TOX2: variants seen among roughly 807,000 people sequenced by gnomAD.
The protein encoded by TOX2 is granulosa cell HMG box 1.
In TOX2, 15 loss-of-function variants were observed where a neutral mutation model predicts 47.4. The observed-to-expected ratio is 0.32, with a 90% CI of 0.21 to 0.49. TOX2 has a LOEUF of 0.49. Ranked by LOEUF, TOX2 falls within the 20% of genes least tolerant of loss-of-function variation. The pLI is 0.99. For missense variants in TOX2, 622 were observed against 673.1 expected (o/e 0.92, Z 0.84); for synonymous variants, 290 against 296.6 (o/e 0.98, Z 0.23).
rs1287284571 is a variant in TOX2, at chr20:44,027,316, ACCCTC to A, written c.411+20531_411+20535del. On this transcript the variant is annotated intron_variant, in intron 3 of 8. Coordinates refer to ENST00000341197, the MANE Select transcript of TOX2 (RefSeq NM_001098797.2). The stretch of plus-strand genomic sequence containing the variant: ...CAGCGTTCAGGGGAGGGGGTGGGTC[ACCCTC>A]CCCTCCTTCTTATGTTTCCCCGTCA... Among the ~76,000 whole-genome samples, 6 of 151,772 alleles carry A rather than the reference ACCCTC, an allele frequency of 4.0e-5. No individual in the cohort carries two copies. The East Asian group carries it at 1.2e-3, about 30-fold the overall frequency.
At chr20:44,056,936 G>A (rs555304929) in intron 5 of TOX2, among the ~76,000 whole-genome samples, 1 of 152,176 alleles carries the variant, frequency 6.6e-6, no homozygotes, top group Admixed American at 6.5e-5. Context: ...AAGAGACAGG[G>A]TGTCACTCTG....
chr20:44,030,333 C>T (rs1306696233), intron 3 of TOX2, among the ~76,000 whole-genome samples: 1 of 152,202 alleles, frequency 6.6e-6, no homozygotes, highest in Non-Finnish European at 1.5e-5. Context: ...GTGGCTATAT[C>T]ACCTCTCAGC....
chr20:44,052,937 G>T (rs963820811), intron 4 of TOX2, among the ~76,000 whole-genome samples: 8 of 152,216 alleles, frequency 5.3e-5, no homozygotes, highest in African/African-American at 1.9e-4. Flanking sequence ...CACAACTGGG[G>T]CTTGGAGAAG....
At chr20:44,048,076 G>A (rs111746290) in intron 3 of TOX2, among the ~76,000 whole-genome samples, 7 of 145,648 alleles carry the variant, frequency 4.8e-5, no homozygotes, top group Admixed American at 2.7e-4. Flanking sequence ...AAAAGTAGCC[G>A]GGTGTGGTGA....
intron 3 of TOX2, among the ~76,000 whole-genome samples, chr20:44,043,759 T>TATAAGATGAAAG (rs1256603277): frequency 3.3e-5 from 5 of 152,202 alleles, no homozygotes; most frequent in Admixed American, 6.5e-5. Flanking sequence ...CTCATACAAA[T>TATAAGATGAAAG]ATAAGATGAA....
intron 1 of TOX2, among the ~76,000 whole-genome samples, chr20:43,955,520 T>A (rs74737948): frequency 0.014 from 2,200 of 152,284 alleles, 42 homozygotes; most frequent in African/African-American, 0.048. Context: ...AATTTTTTTT[T>A]AATGAATCAT....
At chr20:43,991,780 A>T (rs2070373638) in intron 2 of TOX2, among the ~76,000 whole-genome samples, 1 of 151,946 alleles carries the variant, frequency 6.6e-6, no homozygotes, top group Admixed American at 6.6e-5. Context: ...AGTAGCTGGG[A>T]TTACAGGCAT....
At chr20:44,028,461 C>T (rs1236989492) in intron 3 of TOX2, among the ~76,000 whole-genome samples, 1 of 152,230 alleles carries the variant, frequency 6.6e-6, no homozygotes, top group East Asian at 1.9e-4. Context: ...AGCTGCAAAC[C>T]TTGAGCAAGA....
chr20:43,918,899 C>T (rs6031224), intron 1 of TOX2, among the ~76,000 whole-genome samples: 58,663 of 151,876 alleles, frequency 0.39, 11,548 homozygotes, highest in East Asian at 0.47. Context: ...AGTTTCAGGA[C>T]GGTTAAGTGA....
intron 6 of TOX2, among the ~76,000 whole-genome samples, chr20:44,065,126 G>A (rs1056120850): frequency 3.9e-5 from 6 of 152,188 alleles, no homozygotes; most frequent in African/African-American, 1.4e-4. Flanking sequence ...TAAAGTGGCC[G>A]CACTAGGATT....
rs191861098 is a variant in TOX2 at position 44,065,761 on chromosome 20, C to A, written c.1010C>A (p.Ala337Asp). Residue 337 changes from alanine to aspartate, a missense_variant, in exon 7 of 9, where the codon GCC becomes GAC. This residue lies in a region of TOX2 where 294 missense variants were observed against 300.0 expected (regional missense o/e 0.98). Coordinates refer to ENST00000341197, the MANE Select transcript of TOX2 (RefSeq NM_001098797.2). ...ETKSTQANPP[A>D]KMLPPKQPMY... Reference sequence around the variant, plus strand: ...AAGAGCACTCAGGCAAACCCACCAGCCAAAATGCTCCCACCCAAGCAGCCC... The same window carrying A: ...AAGAGCACTCAGGCAAACCCACCAGACAAAATGCTCCCACCCAAGCAGCCC... The A allele has an allele frequency of 6.2e-7, 1 of 1,607,468 alleles. No homozygotes were observed.
chr20:44,054,605 A>G, intron 5 of TOX2, 79 bp downstream of exon 5: 2 of 1,447,004 alleles, frequency 1.4e-6, no homozygotes, highest in Non-Finnish European at 1.9e-6. Flanking sequence ...AAGGTCTGAA[A>G]CCAGGCCCAG....
intron 3 of TOX2, among the ~76,000 whole-genome samples, chr20:44,016,075 A>T (rs2070873821): frequency 6.6e-6 from 1 of 151,958 alleles, no homozygotes; most frequent in Admixed American, 6.6e-5. Flanking sequence ...GGAACCAGGG[A>T]CACTGTCTCT....
chr20:43,996,437 C>G (rs2070482455), intron 2 of TOX2, among the ~76,000 whole-genome samples: 2 of 152,184 alleles, frequency 1.3e-5, no homozygotes, highest in Non-Finnish European at 2.9e-5. Flanking sequence ...CCTGGCCTAG[C>G]CAGGACTCGT....
chr20:44,064,719 G>T, intron 5 of TOX2, 58 bp from the exon 6 acceptor site: 1 of 1,544,660 alleles, frequency 6.5e-7, no homozygotes, highest in South Asian at 1.1e-5. Context: ...CCAGGACCCT[G>T]CACGGCATCT....
chr20:44,050,095 T>G (rs1386393608), intron 3 of TOX2, among the ~76,000 whole-genome samples: 2 of 152,248 alleles, frequency 1.3e-5, no homozygotes, highest in Non-Finnish European at 2.9e-5. Context: ...AATGTTCTCA[T>G]CTAAGCAATG....
intron 5 of TOX2, among the ~76,000 whole-genome samples, chr20:44,064,327 A>G (rs1007379937): frequency 2.0e-5 from 3 of 152,240 alleles, no homozygotes; most frequent in South Asian, 4.1e-4. Flanking sequence ...CAGTCCTACA[A>G]TAACATATGA....
At chr20:43,989,806 G>A (rs1354634677) in intron 2 of TOX2, among the ~76,000 whole-genome samples, 1 of 151,110 alleles carries the variant, frequency 6.6e-6, no homozygotes, top group Non-Finnish European at 1.5e-5. Flanking sequence ...AACCCACCCA[G>A]CATATATTAA....
chr20:44,001,559 A>C (rs545865879), intron 2 of TOX2, among the ~76,000 whole-genome samples: 2 of 152,316 alleles, frequency 1.3e-5, no homozygotes, highest in South Asian at 4.1e-4. Flanking sequence ...TTGATACAGC[A>C]TATGCTTATT....
Sources: gnomAD v4.1 joint callset for allele counts (sites outside exome capture counted in the v4.1 genomes callset) on GRCh38, gnomAD v4.1.1 for gene constraint, gnomAD v4.1.1 regional missense constraint, MANE v1.5 for transcripts, NCBI Gene and HGNC (gene_info 2026-07-23, HGNC 2026-07-21) for gene names.